The following TTC23 variants were observed in gnomAD, a reference collection of about 807,000 sequenced individuals.
TTC23 encodes tetratricopeptide repeat domain 23.
TTC23 carries 58 observed loss-of-function variants against 55.1 expected under a neutral mutation model. The ratio of observed to expected loss-of-function variants is 1.05; its 90% confidence interval spans 0.85 to 1.31. The LOEUF is 1.31. Ranked by LOEUF, TTC23 falls within the 50% of genes most tolerant of loss-of-function variation. TTC23 has a pLI of 0.00. For missense variants in TTC23, 516 were observed against 534.4 expected, an observed-to-expected ratio of 0.97 and a Z score of 0.34; for synonymous variants, 203 against 199.9, an observed-to-expected ratio of 1.02 and a Z score of -0.13.
chr15:99,186,438 C>T (rs1459794150), intron 9 of TTC23, among the ~76,000 whole-genome samples: 1 of 152,064 alleles, frequency 6.6e-6, no homozygotes, highest in Non-Finnish European at 1.5e-5. Context: ...GAGTAAACAA[C>T]AGCAAAAACC....
chr15:99,240,855 T>C (rs2079724568), intron 3 of TTC23, among the ~76,000 whole-genome samples: 1 of 152,236 alleles, frequency 6.6e-6, no homozygotes. Context: ...ACGTTCACTC[T>C]AATTTCAGAG....
At chr15:99,195,455 T>C (rs535394383) in intron 9 of TTC23, among the ~76,000 whole-genome samples, 1 of 152,236 alleles carries the variant, frequency 6.6e-6, no homozygotes, top group African/African-American at 2.4e-5. Flanking sequence ...TTGATGGATA[T>C]GAAGGATATG....
At chr15:99,181,826 A>C (rs1567413809) in intron 9 of TTC23, among the ~76,000 whole-genome samples, 2 of 152,202 alleles carry the variant, frequency 1.3e-5, no homozygotes, top group Non-Finnish European at 2.9e-5. Flanking sequence ...CTGGGAGCAG[A>C]GAGCATTGGA....
rs1555487951 is a variant in TTC23, at chr15:99,138,018, C to T, written c.1336G>A (p.Ala446Thr). ...LLGKARPGTT[A>T]D The stretch of plus-strand genomic sequence containing the variant: ...TTTTCAGGGTGGGGGCCTCAGTCTG[C>T]TGTTGTGCCGGGCCGGGCCTTCCCC... The change falls in exon 14 of 14, where the codon GCA becomes ACA. Residue 446 changes from alanine (A) to threonine (T), a missense_variant. Transcript: ENST00000394132. 1 of 1,614,110 alleles carries T rather than the reference C, an allele frequency of 6.2e-7. No individual in the cohort carries two copies. The highest frequency in any genetic ancestry group is 1.7e-5 in the Admixed American group (1 of 60,030).
At chr15:99,222,056 G>A (rs1007762760) in intron 5 of TTC23, among the ~76,000 whole-genome samples, 192 bp from the exon 6 acceptor site, 2 of 152,104 alleles carry the variant, frequency 1.3e-5, no homozygotes, top group Non-Finnish European at 2.9e-5. Flanking sequence ...TGTACATCTG[G>A]TAAGATGAAA....
At chr15:99,222,387 C>T (rs1214094249) in intron 5 of TTC23, among the ~76,000 whole-genome samples, 1 of 152,146 alleles carries the variant, frequency 6.6e-6, no homozygotes, top group Non-Finnish European at 1.5e-5. Context: ...AGCAATCCTC[C>T]CACCTCAGCC....
chr15:99,221,868 T>A lies in TTC23; in HGVS notation c.181-4A>T, dbSNP rs1387001819. 1 of 1,613,608 alleles carries A rather than the reference T, an allele frequency of 6.2e-7. No homozygotes were observed. The highest frequency in any genetic ancestry group is 8.5e-7 in the Non-Finnish European group (1 of 1,179,720). Reference sequence around the variant, plus strand: ...GCTCATGGACGGCCTGTTTGTACTGTTAGGAAGAGAAAACAGGCTTACCAG... The same window carrying A: ...GCTCATGGACGGCCTGTTTGTACTGATAGGAAGAGAAAACAGGCTTACCAG... On this transcript the variant is annotated splice_region_variant and splice_polypyrimidine_tract_variant and intron_variant, in intron 5 of 13. Coordinates refer to ENST00000394132, the MANE Select transcript of TTC23 (RefSeq NM_001288615.3).
intron 2 of TTC23, among the ~76,000 whole-genome samples, chr15:99,242,647 G>C (rs1343522083): frequency 2.0e-5 from 3 of 152,158 alleles, no homozygotes; most frequent in Non-Finnish European, 2.9e-5. Flanking sequence ...TTATGATCAA[G>C]GGGAGTTTAT....
At chr15:99,232,339 C>T (rs1272380531) in intron 4 of TTC23, among the ~76,000 whole-genome samples, 2 of 151,108 alleles carry the variant, frequency 1.3e-5, no homozygotes, top group East Asian at 2.0e-4. Flanking sequence ...ATTAGCTGGG[C>T]GTGGTGGCAC....
chr15:99,192,819 C>T (rs546610883), intron 9 of TTC23, among the ~76,000 whole-genome samples: 1 of 152,306 alleles, frequency 6.6e-6, no homozygotes, highest in East Asian at 1.9e-4. Context: ...GGAAAAGCTG[C>T]AGACACTCAT....
intron 10 of TTC23, among the ~76,000 whole-genome samples, chr15:99,168,373 C>A (rs1187797063): frequency 1.3e-5 from 2 of 152,192 alleles, no homozygotes; most frequent in African/African-American, 2.4e-5. Flanking sequence ...AGGAAAGTGA[C>A]CAGCCCCCCT....
chr15:99,223,958 A>C (rs2078171817), intron 5 of TTC23, among the ~76,000 whole-genome samples: 1 of 152,244 alleles, frequency 6.6e-6, no homozygotes, highest in Non-Finnish European at 1.5e-5. Flanking sequence ...ACAAGGACAG[A>C]GTTGTGAAGA....
At chr15:99,247,102 G>C (rs2080313960) in intron 1 of TTC23, among the ~76,000 whole-genome samples, 1 of 152,212 alleles carries the variant, frequency 6.6e-6, no homozygotes, top group Non-Finnish European at 1.5e-5. Context: ...AAATGCAAAT[G>C]AAAGCTGTAA....
chr15:99,237,412 T>G (rs2079412991), intron 3 of TTC23, among the ~76,000 whole-genome samples: 1 of 151,994 alleles, frequency 6.6e-6, no homozygotes, highest in South Asian at 2.1e-4. Flanking sequence ...TATAAATGGG[T>G]AAATGGGTAA....
intron 11 of TTC23, chr15:99,157,101 G>A (rs963187924): frequency 3.3e-5 from 5 of 150,920 alleles, no homozygotes; most frequent in Non-Finnish European, 5.9e-5. Context: ...GGTGGTGCTA[G>A]GATCTGAATC....
At chr15:99,169,974 C>T (rs890258339) in intron 10 of TTC23, among the ~76,000 whole-genome samples, 1 of 152,196 alleles carries the variant, frequency 6.6e-6, no homozygotes, top group African/African-American at 2.4e-5. Flanking sequence ...GCAGGCTCTG[C>T]CCTCTCAAAG....
At position 99,136,564 on chromosome 15, in the gene TTC23, T is replaced by C. The variant is rs2067607106; in HGVS notation, c.*1446A>G. The C allele has an allele frequency of 6.6e-6, 1 of 152,168 alleles. No homozygotes were observed. Among genetic ancestry groups the C allele is most frequent in the South Asian group, 2.1e-4 (1 of 4,832 alleles). 9.4% of individuals were successfully genotyped at this position (152,168 alleles called of 1,614,324 possible). A position where few individuals can be genotyped will look rare whatever the true frequency, so the allele number is the denominator to read the frequency against. On this transcript the variant is annotated 3_prime_UTR_variant, in exon 14 of 14. Transcript: ENST00000394132. Reference sequence around the variant, plus strand: ...GTGGAGAGAGAGATCATCTCTCTGGTGTCTCTCCTTATAAAGCACTAATCC... The same window carrying C: ...GTGGAGAGAGAGATCATCTCTCTGGCGTCTCTCCTTATAAAGCACTAATCC...
intron 2 of TTC23, among the ~76,000 whole-genome samples, chr15:99,245,159 T>C (rs991661406): frequency 2.0e-5 from 3 of 152,318 alleles, no homozygotes; most frequent in East Asian, 3.9e-4. Context: ...GTCAATCATA[T>C]TTCAATAAAG....
chr15:99,152,122 C>G (rs2069849428), intron 12 of TTC23, among the ~76,000 whole-genome samples: 1 of 152,192 alleles, frequency 6.6e-6, no homozygotes, highest in African/African-American at 2.4e-5. Context: ...GTGCTGTCCT[C>G]ACGATAGTGA....
Sources: gnomAD v4.1 joint callset for allele counts (sites outside exome capture counted in the v4.1 genomes callset) on GRCh38, gnomAD v4.1.1 for gene constraint, MANE v1.5 for transcripts, NCBI Gene and HGNC (gene_info 2026-07-23, HGNC 2026-07-21) for gene names.